ARHGAP42: variants seen among roughly 807,000 people sequenced by gnomAD.
ARHGAP42 encodes the protein rho GTPase-activating protein 42.
A neutral mutation model predicts 125.0 loss-of-function variants in ARHGAP42; 63 were observed. That is an observed-to-expected ratio of 0.50 (90% CI 0.41 to 0.62). The LOEUF is 0.62. Ranked by LOEUF, ARHGAP42 falls within the 20% of genes least tolerant of loss-of-function variation. The pLI is 0.00. For missense variants in ARHGAP42, 766 were observed against 1,024.2 expected (o/e 0.75, Z 3.44); for synonymous variants, 339 against 351.0 (o/e 0.97, Z 0.38).
chr11:100,962,264 C>T, intron 15 of ARHGAP42, 145 bp from the exon 16 acceptor site: 1 of 699,480 alleles, frequency 1.4e-6, no homozygotes, highest in Non-Finnish European at 2.3e-6. Flanking sequence ...TGCCAAATCA[C>T]CCAATTCTTT....
chr11:100,774,930 A>G (rs753508886), intron 2 of ARHGAP42, among the ~76,000 whole-genome samples: 32 of 152,064 alleles, frequency 2.1e-4, no homozygotes, highest in Admixed American at 1.7e-3. Flanking sequence ...AGGAGGCAAA[A>G]TGGGATTCGT....
In ARHGAP42 at chr11:100,859,600, G is replaced by T; in HGVS notation, c.359G>T (p.Arg120Leu). The change falls in exon 4 of 24, where the codon CGA becomes CTA. Residue 120 changes from arginine to leucine, a missense_variant. By Grantham distance (102) the Arg-to-Leu change is moderately radical. This residue lies in a region of ARHGAP42 where 455 missense variants were observed against 636.5 expected (regional missense o/e 0.71). Transcript: ENST00000298815. ...TTAATTGCACCACTTGAGAAATTTC[G>T]AAAAGAACAGATAGGTGCAGCAAAA... is the stretch of plus-strand genomic sequence containing the variant. The part of the protein sequence containing the change: ...DVLIAPLEKF[R>L]KEQIGAAKDG... 1.3e-6 allele frequency: 2 copies of T among 1,522,318 alleles called. No homozygotes were observed. The highest frequency in any genetic ancestry group is 1.8e-6 in the Non-Finnish European group (2 of 1,135,758). The allele number at this position is 1,522,318 out of a possible 1,614,324, so 94.3% of individuals were successfully genotyped here. A position where few individuals can be genotyped will look rare whatever the true frequency, so the allele number is the denominator to read the frequency against.
chr11:100,967,107 A>G (rs1451487887), intron 17 of ARHGAP42, among the ~76,000 whole-genome samples: 3 of 152,190 alleles, frequency 2.0e-5, no homozygotes, highest in East Asian at 1.9e-4. Flanking sequence ...ATTTACTTAT[A>G]AAAACAGCAA....
At chr11:100,820,074 G>A (rs1364745545) in intron 3 of ARHGAP42, among the ~76,000 whole-genome samples, 1 of 152,128 alleles carries the variant, frequency 6.6e-6, no homozygotes, top group African/African-American at 2.4e-5. Flanking sequence ...AAAAGGTAAA[G>A]CATAATAAAG....
rs959883379 is a variant in ARHGAP42, at chr11:100,817,638, G to A, written c.312+22472G>A. Among the ~76,000 whole-genome samples the A allele has an allele frequency of 3.9e-5, 6 of 152,064 alleles. No homozygotes were observed. The East Asian group carries it at 5.8e-4, about 15-fold the overall frequency. On this transcript the variant is annotated intron_variant, in intron 3 of 23. Transcript: ENST00000298815. The stretch of plus-strand genomic sequence containing the variant: ...ATAATTAATGTTGCTTAACATCTCC[G>A]TATAAGCCAGACATTACTCTAAGCT...
chr11:100,969,514 A>AT (rs1345725343), intron 17 of ARHGAP42, among the ~76,000 whole-genome samples: 3 of 151,744 alleles, frequency 2.0e-5, no homozygotes, highest in Non-Finnish European at 2.9e-5. Flanking sequence ...AATGTCACAG[A>AT]TTTTTTTCTG....
chr11:100,743,052 T>G (rs993715049), intron 1 of ARHGAP42, among the ~76,000 whole-genome samples: 2 of 150,928 alleles, frequency 1.3e-5, no homozygotes, highest in African/African-American at 4.9e-5. Flanking sequence ...AGTGGAGCAT[T>G]TAGGCCATTT....
intron 12 of ARHGAP42, among the ~76,000 whole-genome samples, chr11:100,958,291 G>T (rs550815269): frequency 6.6e-6 from 1 of 151,974 alleles, no homozygotes; most frequent in East Asian, 1.9e-4. Flanking sequence ...TCCAAGAAAA[G>T]CTTCACTCTC....
chr11:100,770,765 C>T (rs1862955316), intron 2 of ARHGAP42, among the ~76,000 whole-genome samples: 2 of 152,136 alleles, frequency 1.3e-5, no homozygotes. Context: ...TTTTAGTAGA[C>T]ACAGGATTTC....
intron 4 of ARHGAP42, among the ~76,000 whole-genome samples, chr11:100,885,036 C>A (rs1382383267): frequency 6.6e-6 from 1 of 152,110 alleles, no homozygotes; most frequent in African/African-American, 2.4e-5. Context: ...TACCCAGTTG[C>A]CAGATTAGAA....
intron 1 of ARHGAP42, among the ~76,000 whole-genome samples, chr11:100,729,065 A>C (rs909637288): frequency 6.6e-6 from 1 of 150,748 alleles, no homozygotes; most frequent in South Asian, 2.1e-4. Flanking sequence ...CACTGCACGC[A>C]GCCTCTGTCT....
At chr11:100,766,361 T>C (rs1862829121) in intron 1 of ARHGAP42, among the ~76,000 whole-genome samples, 3 of 152,202 alleles carry the variant, frequency 2.0e-5, no homozygotes, top group Admixed American at 2.0e-4. Context: ...TGGCATGGGA[T>C]CTTTCATTTT....
In ARHGAP42 at chr11:100,810,130, A is replaced by G. The variant is rs556732944; in HGVS notation, c.312+14964A>G. ...TATATTTCTGAACAGAACCTTTAAA[A>G]AGTGGCAAAAAAATAAGAGACTCAA... On this transcript the variant is annotated intron_variant, in intron 3 of 23. Transcript: ENST00000298815. Among the ~76,000 whole-genome samples, 3 of 152,302 alleles carry G rather than the reference A, an allele frequency of 2.0e-5. No homozygotes were observed. In the South Asian group the frequency reaches 6.2e-4, roughly 32 times the overall value.
chr11:100,763,447 A>G (rs1266737253), intron 1 of ARHGAP42, among the ~76,000 whole-genome samples: 1 of 152,198 alleles, frequency 6.6e-6, no homozygotes, highest in Non-Finnish European at 1.5e-5. Context: ...TCAGTGTGGC[A>G]TTAGAAAGTA....
chr11:100,763,066 T>C (rs1210536235), intron 1 of ARHGAP42, among the ~76,000 whole-genome samples: 1 of 137,794 alleles, frequency 7.3e-6, no homozygotes, highest in East Asian at 2.5e-4. Context: ...CACAACCTCC[T>C]CCTCCCAGGT....
At chr11:100,987,806 A>AAAATAAATAAATAAATAAATAAAT in intron 23 of ARHGAP42, among the ~76,000 whole-genome samples, 1 of 142,472 alleles carries the variant, frequency 7.0e-6, no homozygotes, top group East Asian at 2.1e-4. Context: ...CCCAACCCAC[A>AAAATAAATAAATAAATAAATAAAT]AAATAAATAA....
chr11:100,818,885 T>C (rs1385882370), intron 3 of ARHGAP42, among the ~76,000 whole-genome samples: 1 of 152,070 alleles, frequency 6.6e-6, no homozygotes, highest in Non-Finnish European at 1.5e-5. Context: ...GAGATGGCAT[T>C]CTCATAGGAA....
At chr11:100,895,528 A>C (rs1423848842) in intron 4 of ARHGAP42, among the ~76,000 whole-genome samples, 1 of 149,810 alleles carries the variant, frequency 6.7e-6, no homozygotes, top group African/African-American at 2.5e-5. Context: ...CTAAGATCAA[A>C]GATCAAGGGA....
chr11:100,843,664 C>G (rs1417341675), intron 3 of ARHGAP42, among the ~76,000 whole-genome samples: 1 of 151,902 alleles, frequency 6.6e-6, no homozygotes, highest in Non-Finnish European at 1.5e-5. Context: ...CAACAGTGAC[C>G]AAGCTGAGCA....
Sources: gnomAD v4.1 joint callset for allele counts (sites outside exome capture counted in the v4.1 genomes callset) on GRCh38, gnomAD v4.1.1 for gene constraint, gnomAD v4.1.1 regional missense constraint, MANE v1.5 for transcripts, NCBI Gene and HGNC (gene_info 2026-07-23, HGNC 2026-07-21) for gene names.